KHDRBS2: variants seen among roughly 807,000 people sequenced by gnomAD.
KHDRBS2 encodes the protein KH RNA binding domain containing, signal transduction associated 2, also known as KH domain-containing, RNA-binding, signal transduction-associated protein 2.
KHDRBS2 carries 26 observed loss-of-function variants against 44.3 expected under a neutral mutation model. The ratio of observed to expected loss-of-function variants is 0.59; its 90% CI spans 0.43 to 0.81. KHDRBS2 has a LOEUF of 0.81. Among genes scored for constraint, KHDRBS2 ranks in the 40% least tolerant of loss-of-function variants. The pLI is 0.00. For missense variants in KHDRBS2, 476 were observed against 433.1 expected (o/e 1.10, Z -0.88); for synonymous variants, 194 against 151.1 (o/e 1.28, Z -2.08).
intron 7 of KHDRBS2, among the ~76,000 whole-genome samples, chr6:61,724,065 A>G (rs750400577): frequency 6.6e-6 from 1 of 152,198 alleles, no homozygotes; most frequent in Non-Finnish European, 1.5e-5. Flanking sequence ...CAAGCCAGAG[A>G]GAAAGACCAG....
At chr6:61,702,498 G>C (rs1183061842) in intron 7 of KHDRBS2, among the ~76,000 whole-genome samples, 10 of 151,952 alleles carry the variant, frequency 6.6e-5, no homozygotes, top group Non-Finnish European at 8.8e-5. Context: ...AAATAATATA[G>C]TTGGCAATTA....
In KHDRBS2 at chr6:61,776,136, T is replaced by C. The variant is rs529237419; in HGVS notation, c.811-43372A>G. On this transcript the variant is annotated intron_variant, in intron 6 of 8. Transcript: ENST00000281156. ...CCTTCCTTACACCTTATACAAAAATTAATTCAAGATGGATCAAAGACTTAC... is the reference window on the plus strand; with the variant it reads ...CCTTCCTTACACCTTATACAAAAATCAATTCAAGATGGATCAAAGACTTAC... Among the ~76,000 whole-genome samples, 374 of 152,202 alleles carry C rather than the reference T, an allele frequency of 2.5e-3. 3 individuals are homozygous for C. Among genetic ancestry groups the C allele is most frequent in the African/African-American group, 8.7e-3 (362 of 41,532 alleles).
At chr6:61,971,106 G>C (rs1771300412) in intron 4 of KHDRBS2, among the ~76,000 whole-genome samples, 1 of 152,062 alleles carries the variant, frequency 6.6e-6, no homozygotes, top group South Asian at 2.1e-4. Context: ...AGTCCTATTT[G>C]TATCACATTG....
chr6:61,794,980 A>C (rs979736824), intron 6 of KHDRBS2, among the ~76,000 whole-genome samples: 3 of 151,756 alleles, frequency 2.0e-5, no homozygotes, highest in African/African-American at 7.3e-5. Flanking sequence ...CTCTACTAAA[A>C]ATACAAAAAT....
chr6:62,005,290 A>G (rs1779007822), intron 3 of KHDRBS2, among the ~76,000 whole-genome samples: 1 of 152,118 alleles, frequency 6.6e-6, no homozygotes, highest in South Asian at 2.1e-4. Context: ...TAACTAAAAT[A>G]TAACTGACAT....
chr6:62,148,756 A>G (rs1351528414), intron 2 of KHDRBS2, among the ~76,000 whole-genome samples: 6 of 152,068 alleles, frequency 3.9e-5, no homozygotes, highest in African/African-American at 1.2e-4. Context: ...GCCTGTCTTC[A>G]CAGGTACTGG....
chr6:61,543,819 G>A, the KHDRBS2 span, among the ~76,000 whole-genome samples: 1 of 152,072 alleles, frequency 6.6e-6, no homozygotes, highest in Non-Finnish European at 1.5e-5. Context: ...TGGAGCTGGA[G>A]GTCATTTTGT....
At chr6:61,987,662 A>G (rs1346731081) in intron 3 of KHDRBS2, among the ~76,000 whole-genome samples, 2 of 152,202 alleles carry the variant, frequency 1.3e-5, no homozygotes, top group African/African-American at 4.8e-5. Context: ...CAATTTAAAG[A>G]CATTTTTAAA....
chr6:62,083,305 C>T (rs1797768709), intron 2 of KHDRBS2, among the ~76,000 whole-genome samples: 1 of 152,088 alleles, frequency 6.6e-6, no homozygotes, highest in Non-Finnish European at 1.5e-5. Context: ...GACAGCCATA[C>T]TCCAGGGGAA....
chr6:61,569,734 C>G, the KHDRBS2 span, among the ~76,000 whole-genome samples: 1 of 152,164 alleles, frequency 6.6e-6, no homozygotes. Flanking sequence ...GACCTGAAGA[C>G]AGATCTCATT....
chr6:62,204,809 G>A (rs1457270582), intron 1 of KHDRBS2, among the ~76,000 whole-genome samples: 2 of 152,026 alleles, frequency 1.3e-5, no homozygotes, highest in Non-Finnish European at 2.9e-5. Context: ...TATACAAAAA[G>A]TTGGTCCTCA....
In KHDRBS2 at chr6:61,707,662, C is replaced by T. The variant is rs111865167; in HGVS notation, c.894-10409G>A. Among the ~76,000 whole-genome samples, 490 of 151,658 alleles carry T rather than the reference C, an allele frequency of 3.2e-3. 6 individuals carry two copies. The highest frequency in any genetic ancestry group is 0.011 in the African/African-American group (473 of 41,440). ...ATAAATGAGTAGTAGTCTCCGAATC[C>T]GGTCATGATTAACACTATCAATACT... On this transcript the variant is annotated intron_variant, in intron 7 of 8. Transcript: ENST00000281156.
the KHDRBS2 span, among the ~76,000 whole-genome samples, chr6:61,566,065 C>CA: frequency 1.2e-4 from 18 of 150,830 alleles, no homozygotes; most frequent in South Asian, 6.3e-4. Context: ...TGCAGCCATA[C>CA]AAAAAAAATC....
At chr6:61,545,606 A>G in the KHDRBS2 span, among the ~76,000 whole-genome samples, 2 of 151,486 alleles carry the variant, frequency 1.3e-5, no homozygotes, top group Admixed American at 6.6e-5. Context: ...TATATGTAGC[A>G]TACTGAATAT....
intron 1 of KHDRBS2, among the ~76,000 whole-genome samples, chr6:62,246,565 T>C (rs1289070052): frequency 2.0e-5 from 3 of 152,166 alleles, no homozygotes; most frequent in Non-Finnish European, 4.4e-5. Flanking sequence ...TAAGAACCTT[T>C]CAGTGCATAG....
intron 3 of KHDRBS2, among the ~76,000 whole-genome samples, chr6:62,030,616 C>T (rs1314679678): frequency 2.6e-5 from 4 of 151,950 alleles, no homozygotes; most frequent in African/African-American, 9.7e-5. Context: ...TTTCCTAGAA[C>T]TAATAGATGT....
chr6:61,997,405 G>A (rs1486408996), intron 3 of KHDRBS2, among the ~76,000 whole-genome samples: 1 of 152,110 alleles, frequency 6.6e-6, no homozygotes, highest in Non-Finnish European at 1.5e-5. Flanking sequence ...CTGGATGCTC[G>A]TAAGTAGTAT....
intron 3 of KHDRBS2, among the ~76,000 whole-genome samples, chr6:61,981,824 A>G (rs942444691): frequency 3.3e-5 from 5 of 152,186 alleles, no homozygotes; most frequent in African/African-American, 1.2e-4. Flanking sequence ...TCAAATAAGA[A>G]GAGTTACTTA....
chr6:61,650,211 C>T, the KHDRBS2 span, among the ~76,000 whole-genome samples: 1 of 152,000 alleles, frequency 6.6e-6, no homozygotes, highest in Non-Finnish European at 1.5e-5. Context: ...TGTAATTTGC[C>T]TAACACTTCC....
Sources: allele counts gnomAD v4.1 joint callset (sites outside exome capture counted in the v4.1 genomes callset), GRCh38; gene constraint gnomAD v4.1.1; transcripts MANE v1.5; gene names NCBI Gene and HGNC (gene_info 2026-07-23, HGNC 2026-07-21).